DPP10: variants seen among roughly 807,000 people sequenced by gnomAD.
The protein encoded by DPP10 is dipeptidyl peptidase like 10.
DPP10 carries 33 observed loss-of-function variants against 120.9 expected under a neutral mutation model. That is an observed-to-expected ratio of 0.27 (90% CI 0.21 to 0.37). DPP10 has a LOEUF of 0.37. Ranked by LOEUF, DPP10 falls within the 10% of genes least tolerant of loss-of-function variation. The pLI is 1.00. For synonymous variants in DPP10, 337 were observed against 326.1 expected (o/e 1.03, Z -0.36); for missense variants, 816 against 942.8 (o/e 0.87, Z 1.76).
rs117713611 is a variant in DPP10 at position 114,562,756 on chromosome 2, A to T, written c.60+119918A>T. On this transcript the variant is annotated intron_variant, in intron 1 of 25. Coordinates refer to ENST00000410059, the MANE Select transcript of DPP10 (RefSeq NM_020868.6). Reference sequence around the variant, plus strand: ...ATTAAAATCATACTCTGTAAAAGGAATTATATATTTTCCATTTATCTTGAT... The same window carrying T: ...ATTAAAATCATACTCTGTAAAAGGATTTATATATTTTCCATTTATCTTGAT... Among the ~76,000 whole-genome samples, 253 of 152,368 alleles carry T rather than the reference A, an allele frequency of 1.7e-3. 5 individuals are homozygous for T. In the East Asian group the frequency reaches 0.045, roughly 27 times the overall value.
chr2:114,644,405 C>T (rs1695963344), intron 1 of DPP10, among the ~76,000 whole-genome samples: 1 of 151,194 alleles, frequency 6.6e-6, no homozygotes, highest in Non-Finnish European at 1.5e-5. Flanking sequence ...AGTAGGAAAC[C>T]CCACATATCC....
intron 1 of DPP10, among the ~76,000 whole-genome samples, chr2:115,098,438 C>T (rs116008227): frequency 0.016 from 2,467 of 152,180 alleles, 52 homozygotes; most frequent in African/African-American, 0.047. Flanking sequence ...TTACGGAAAC[C>T]TAGACTGTAT....
chr2:114,967,911 A>T (rs1394028371), intron 1 of DPP10, among the ~76,000 whole-genome samples: 1 of 152,156 alleles, frequency 6.6e-6, no homozygotes, highest in Non-Finnish European at 1.5e-5. Context: ...TTAGAAATGC[A>T]AATTCTCAGG....
chr2:114,474,083 G>A (rs886525584), intron 1 of DPP10, among the ~76,000 whole-genome samples: 3 of 151,954 alleles, frequency 2.0e-5, no homozygotes, highest in Admixed American at 6.6e-5. Context: ...TCAGCCTCCC[G>A]AGTAGCTGGG....
At chr2:114,562,881 G>A (rs1476687760) in intron 1 of DPP10, among the ~76,000 whole-genome samples, 1 of 152,096 alleles carries the variant, frequency 6.6e-6, no homozygotes, top group Non-Finnish European at 1.5e-5. Context: ...TTTGGTGTAT[G>A]TTTAGAATTT....
Position 115,210,344 on chromosome 2 carries a change from A to G in DPP10, c.61-98895A>G, listed in dbSNP as rs1041367200. Among the ~76,000 whole-genome samples the G allele has an allele frequency of 1.2e-4, 18 of 152,310 alleles. 1 individual carries two copies. Among genetic ancestry groups the G allele is most frequent in the Admixed American group, 1.3e-4 (2 of 15,286 alleles). The stretch of plus-strand genomic sequence containing the variant: ...CTTCATCCATGTCCCTACAAAGGAC[A>G]TGAACTGATCATTTTTTATGGGTGC... On this transcript the variant is annotated intron_variant, in intron 1 of 25. Transcript: ENST00000410059.
At chr2:114,653,833 T>C (rs778845658) in intron 1 of DPP10, among the ~76,000 whole-genome samples, 12 of 152,180 alleles carry the variant, frequency 7.9e-5, no homozygotes, top group Non-Finnish European at 1.6e-4. Flanking sequence ...AATAAAATAC[T>C]GGACATGCAA....
At chr2:115,447,568 A>C (rs1226528503) in intron 3 of DPP10, among the ~76,000 whole-genome samples, 1 of 152,172 alleles carries the variant, frequency 6.6e-6, no homozygotes, top group Non-Finnish European at 1.5e-5. Flanking sequence ...TGATTGGATC[A>C]TGGGTACGGT....
chr2:115,580,854 A>C (rs544871625), intron 5 of DPP10, among the ~76,000 whole-genome samples: 1 of 152,274 alleles, frequency 6.6e-6, no homozygotes, highest in Admixed American at 6.5e-5. Flanking sequence ...CAAGAGGCCA[A>C]GATATTTTTC....
intron 1 of DPP10, among the ~76,000 whole-genome samples, chr2:115,046,390 T>G (rs1705073822): frequency 6.6e-6 from 1 of 152,192 alleles, no homozygotes; most frequent in Admixed American, 6.5e-5. Flanking sequence ...AAATAGATTC[T>G]TAGCCTTCAC....
chr2:115,374,092 T>A (rs1391908966), intron 3 of DPP10, among the ~76,000 whole-genome samples: 1 of 152,112 alleles, frequency 6.6e-6, no homozygotes, highest in African/African-American at 2.4e-5. Context: ...AAACCGTATC[T>A]TTCTGCCACT....
chr2:115,588,588 G>C (rs1008544562), intron 5 of DPP10, among the ~76,000 whole-genome samples: 1 of 152,180 alleles, frequency 6.6e-6, no homozygotes, highest in East Asian at 1.9e-4. Flanking sequence ...ATGCCACATG[G>C]AATCATGTGT....
At chr2:114,697,016 C>A (rs1700108709) in intron 1 of DPP10, among the ~76,000 whole-genome samples, 1 of 151,962 alleles carries the variant, frequency 6.6e-6, no homozygotes, top group Admixed American at 6.6e-5. Flanking sequence ...CATATTAATT[C>A]TCTCTTTTAA....
chr2:114,599,348 T>C (rs1373841537), intron 1 of DPP10, among the ~76,000 whole-genome samples: 1 of 151,900 alleles, frequency 6.6e-6, no homozygotes, highest in Non-Finnish European at 1.5e-5. Flanking sequence ...TCTATTTCTA[T>C]TACTTTAAAA....
intron 1 of DPP10, among the ~76,000 whole-genome samples, chr2:114,526,515 G>T (rs1391585496): frequency 1.3e-5 from 2 of 152,158 alleles, no homozygotes; most frequent in African/African-American, 4.8e-5. Flanking sequence ...TTTATGTGTT[G>T]CCCTAGGTCA....
At chr2:115,427,711 G>C (rs2070610573) in intron 3 of DPP10, among the ~76,000 whole-genome samples, 1 of 152,028 alleles carries the variant, frequency 6.6e-6, no homozygotes, top group Non-Finnish European at 1.5e-5. Context: ...TCATTGTCTT[G>C]GCTATTAGCA....
At chr2:114,920,043 A>C (rs540737459) in intron 1 of DPP10, among the ~76,000 whole-genome samples, 32 of 152,208 alleles carry the variant, frequency 2.1e-4, no homozygotes, top group African/African-American at 7.0e-4. Flanking sequence ...TTAATTTTAT[A>C]ATATTTTACT....
chr2:114,509,612 T>C (rs926550854), intron 1 of DPP10, among the ~76,000 whole-genome samples: 11 of 152,210 alleles, frequency 7.2e-5, no homozygotes, highest in Non-Finnish European at 1.5e-4. Context: ...TCCCCCAGCT[T>C]GGTGATCTCT....
intron 1 of DPP10, among the ~76,000 whole-genome samples, chr2:114,633,434 T>A (rs1695096860): frequency 6.6e-6 from 1 of 150,874 alleles, no homozygotes; most frequent in Non-Finnish European, 1.5e-5. Flanking sequence ...TGTATTTTTT[T>A]AGTAGAGACA....
Sources: allele counts gnomAD v4.1 joint callset (sites outside exome capture counted in the v4.1 genomes callset), GRCh38; gene constraint gnomAD v4.1.1; transcripts MANE v1.5; gene names NCBI Gene and HGNC (gene_info 2026-07-23, HGNC 2026-07-21).